Variants in NSG1 observed in about 807,000 individuals in gnomAD.
NSG1 encodes neuronal vesicle trafficking associated 1.
A neutral mutation model predicts 19.3 loss-of-function variants in NSG1; 9 were observed. The ratio of observed to expected loss-of-function variants is 0.47; its 90% CI spans 0.28 to 0.81. NSG1 has a LOEUF of 0.81. Among genes scored for constraint, NSG1 ranks in the 40% least tolerant of loss-of-function variants. The probability of loss-of-function intolerance (pLI) is 0.11; values close to 1 mark genes in which losing one functional copy is unlikely to be tolerated. For synonymous variants in NSG1, 104 were observed against 107.0 expected, an observed-to-expected ratio of 0.97 and a Z score of 0.17; for missense variants, 236 against 242.4, an observed-to-expected ratio of 0.97 and a Z score of 0.18.
In NSG1 at chr4:4,418,925, CA is replaced by C. The variant is rs1204789172; in HGVS notation, c.*1492del. On this transcript the variant is annotated 3_prime_UTR_variant, in exon 5 of 5. Transcript: ENST00000621129. ...GCTTCCCTGCGCATCTGAATAGACA[CA>C]AGTGAAGCCCGTGTGCGCACAGTGC... 6.6e-6 allele frequency: 1 copy of C among 152,266 alleles called. No individual in the cohort carries two copies. Among genetic ancestry groups the C allele is most frequent in the Admixed American group, 6.5e-5 (1 of 15,290 alleles). 9.4% of individuals were successfully genotyped at this position (152,266 alleles called of 1,614,324 possible).
intron 3 of NSG1, among the ~76,000 whole-genome samples, chr4:4,405,177 G>T (rs1560144636): frequency 6.6e-6 from 1 of 152,270 alleles, no homozygotes; most frequent in East Asian, 1.9e-4. Flanking sequence ...GTTCCTGGAG[G>T]TTGCCACCAT....
chr4:4,409,987 G>C (rs964971949), intron 4 of NSG1, among the ~76,000 whole-genome samples: 1 of 152,260 alleles, frequency 6.6e-6, no homozygotes, highest in Non-Finnish European at 1.5e-5. Context: ...CGTGGGAAAT[G>C]CCCAGGATGA....
chr4:4,418,925 C>G lies in NSG1; in HGVS notation c.*1490C>G, dbSNP rs561455300. The G allele has an allele frequency of 6.6e-6, 1 of 152,384 alleles. No homozygotes were observed. The highest frequency in any genetic ancestry group is 2.1e-4 in the South Asian group (1 of 4,830). The allele number at this position is 152,384 out of a possible 1,614,324, so 9.4% of individuals were successfully genotyped here. ...GCTTCCCTGCGCATCTGAATAGACACAAGTGAAGCCCGTGTGCGCACAGTG... is the reference window on the plus strand; with the variant it reads ...GCTTCCCTGCGCATCTGAATAGACAGAAGTGAAGCCCGTGTGCGCACAGTG... On this transcript the variant is annotated 3_prime_UTR_variant, in exon 5 of 5. Transcript: ENST00000621129.
At chr4:4,397,725 C>T (rs1723329964) in intron 3 of NSG1, among the ~76,000 whole-genome samples, 2 of 152,302 alleles carry the variant, frequency 1.3e-5, no homozygotes, top group African/African-American at 4.8e-5. Context: ...TCACCCAGGA[C>T]CCCCAAGCCT....
intron 3 of NSG1, among the ~76,000 whole-genome samples, chr4:4,409,062 A>G (rs1397539095): frequency 6.6e-6 from 1 of 152,262 alleles, no homozygotes; most frequent in Non-Finnish European, 1.5e-5. Flanking sequence ...GCGAAGGCCA[A>G]TGGGGCTGCA....
chr4:4,408,407 T>G (rs1297260402), intron 3 of NSG1, among the ~76,000 whole-genome samples: 1 of 152,156 alleles, frequency 6.6e-6, no homozygotes, highest in Non-Finnish European at 1.5e-5. Context: ...GCCCCATCGC[T>G]CTCTCTGCCT....
chr4:4,415,828 C>T, intron 4 of NSG1: 2 of 412,122 alleles, frequency 4.9e-6, no homozygotes, highest in Admixed American at 4.0e-5. Context: ...GGATGACGAG[C>T]AGCAGATGGA....
At chr4:4,388,236 C>T (rs1225675815) in intron 2 of NSG1, among the ~76,000 whole-genome samples, 3 of 152,220 alleles carry the variant, frequency 2.0e-5, no homozygotes, top group Non-Finnish European at 4.4e-5. Context: ...GAATTGTTCT[C>T]GCCCTTTCTG....
intron 3 of NSG1, among the ~76,000 whole-genome samples, chr4:4,400,250 A>G (rs1348317600): frequency 6.6e-6 from 1 of 152,176 alleles, no homozygotes; most frequent in Non-Finnish European, 1.5e-5. Flanking sequence ...TGGCCCCCTT[A>G]TTGAAAATCA....
chr4:4,391,634 G>C, intron 3 of NSG1, 43 bp downstream of exon 3: 1 of 1,364,728 alleles, frequency 7.3e-7, no homozygotes, highest in Non-Finnish European at 1.0e-6. Flanking sequence ...TTTGCCCCCA[G>C]AAGGGGTCTG....
intron 4 of NSG1, among the ~76,000 whole-genome samples, chr4:4,412,611 C>T (rs186716333): frequency 2.4e-4 from 36 of 152,270 alleles, no homozygotes; most frequent in Middle Eastern, 3.4e-3. Context: ...CCTTGACCTC[C>T]TCCCTCCATA....
At chr4:4,391,641 T>A in intron 3 of NSG1, 50 bp downstream of exon 3, 1 of 1,272,404 alleles carries the variant, frequency 7.9e-7, no homozygotes, top group East Asian at 2.4e-5. Flanking sequence ...CCAGAAGGGG[T>A]CTGCTGAGCT....
At chr4:4,404,849 G>A (rs1050388934) in intron 3 of NSG1, among the ~76,000 whole-genome samples, 8 of 152,198 alleles carry the variant, frequency 5.3e-5, no homozygotes, top group Non-Finnish European at 1.0e-4. Context: ...AGGCTGGGAT[G>A]TTCCAGAGCC....
chr4:4,391,628 C>A, intron 3 of NSG1, 37 bp downstream of exon 3: 4 of 1,413,658 alleles, frequency 2.8e-6, no homozygotes, highest in South Asian at 1.2e-5. Context: ...GCTGCTTTTG[C>A]CCCCAGAAGG....
At chr4:4,407,422 A>G (rs1723927609) in intron 3 of NSG1, among the ~76,000 whole-genome samples, 1 of 151,884 alleles carries the variant, frequency 6.6e-6, no homozygotes, top group Non-Finnish European at 1.5e-5. Context: ...TGTAGCAGGT[A>G]GCCAGGCGGA....
chr4:4,403,972 G>T (rs1265156604), intron 3 of NSG1, among the ~76,000 whole-genome samples: 1 of 152,210 alleles, frequency 6.6e-6, no homozygotes, highest in African/African-American at 2.4e-5. Flanking sequence ...TAGGCTACAT[G>T]CGGGAGGCAT....
At chr4:4,399,255 A>C (rs935583816) in intron 3 of NSG1, among the ~76,000 whole-genome samples, 1 of 151,988 alleles carries the variant, frequency 6.6e-6, no homozygotes, top group African/African-American at 2.4e-5. Flanking sequence ...TGATCCTCCC[A>C]CCTCAGCCCC....
At position 4,418,343 on chromosome 4, in the gene NSG1, A is replaced by C. The variant is rs1273637915; in HGVS notation, c.*908A>C. The C allele has an allele frequency of 1.3e-5, 2 of 151,798 alleles. No homozygotes were observed. The highest frequency in any genetic ancestry group is 4.8e-5 in the African/African-American group (2 of 41,288). The allele number at this position is 151,798 out of a possible 1,614,324, so 9.4% of individuals were successfully genotyped here. On this transcript the variant is annotated 3_prime_UTR_variant, in exon 5 of 5. Coordinates refer to ENST00000621129, the MANE Select transcript of NSG1 (RefSeq NM_014392.5). ...AGCTGGGTGGGAAAAGTGGAAATGT[A>C]ATTTCTGGTAAGCTTGAGCTACTTT...
At chr4:4,403,867 G>T (rs1280584329) in intron 3 of NSG1, among the ~76,000 whole-genome samples, 1 of 152,230 alleles carries the variant, frequency 6.6e-6, no homozygotes, top group Non-Finnish European at 1.5e-5. Context: ...GTGTTTTGGT[G>T]TGAGAGTATA....
Sources: allele counts gnomAD v4.1 joint callset (sites outside exome capture counted in the v4.1 genomes callset), GRCh38; gene constraint gnomAD v4.1.1; transcripts MANE v1.5; gene names NCBI Gene and HGNC (gene_info 2026-07-23, HGNC 2026-07-21).